Variants in ZNG1C observed in about 807,000 individuals in gnomAD.
ZNG1C encodes the protein zinc-regulated GTPase metalloprotein activator 1C.
the ZNG1C span, among the ~76,000 whole-genome samples, chr9:68,275,461 G>A: frequency 1.4e-5 from 2 of 145,950 alleles, no homozygotes; most frequent in South Asian, 2.3e-4. Flanking sequence ...ATCTCCCAAT[G>A]CTATCCCTCC....
chr9:68,276,158 T>C, the ZNG1C span, among the ~76,000 whole-genome samples: 1 of 133,722 alleles, frequency 7.5e-6, no homozygotes, highest in Non-Finnish European at 1.6e-5. Context: ...GTGGTTTGCT[T>C]TTTTCTTGTA....
chr9:68,280,827 A>T, the ZNG1C span, among the ~76,000 whole-genome samples: 1 of 59,880 alleles, frequency 1.7e-5, no homozygotes, highest in African/African-American at 6.8e-5. Context: ...GAGCCTACAG[A>T]GGCAGGCAGG....
At chr9:68,272,033 T>C in the ZNG1C span, among the ~76,000 whole-genome samples, 1 of 137,146 alleles carries the variant, frequency 7.3e-6, no homozygotes, top group Non-Finnish European at 1.6e-5. Flanking sequence ...GCTCAGCTAT[T>C]TACTGAGCTA....
the ZNG1C span, among the ~76,000 whole-genome samples, chr9:68,257,986 G>T: frequency 8.2e-6 from 1 of 121,752 alleles, no homozygotes. Context: ...TTCAGAGATT[G>T]CAAAATGAAT....
chr9:68,297,252 G>C, the ZNG1C span, among the ~76,000 whole-genome samples: 2 of 148,816 alleles, frequency 1.3e-5, no homozygotes, highest in Non-Finnish European at 3.0e-5. Flanking sequence ...TACATTGTAT[G>C]TGTTACATAT....
the ZNG1C span, among the ~76,000 whole-genome samples, chr9:68,291,209 C>CGT: frequency 1.2e-5 from 1 of 83,566 alleles, no homozygotes; most frequent in Non-Finnish European, 2.6e-5. Flanking sequence ...AAACACTTAA[C>CGT]GTGAGACCTA....
chr9:68,280,993 G>C, the ZNG1C span, among the ~76,000 whole-genome samples: 87 of 112,658 alleles, frequency 7.7e-4, no homozygotes, highest in African/African-American at 2.7e-3. Context: ...GCGAGACTCC[G>C]TGGGCGTGGG....
chr9:68,272,450 T>C, the ZNG1C span: 1 of 85,546 alleles, frequency 1.2e-5, no homozygotes, highest in Admixed American at 1.3e-4. Context: ...TTTTTTTTTT[T>C]CTTGGCGATT....
At chr9:68,287,256 T>G in the ZNG1C span, among the ~76,000 whole-genome samples, 2 of 152,160 alleles carry the variant, frequency 1.3e-5, no homozygotes, top group Non-Finnish European at 2.9e-5. Flanking sequence ...GTTAAAAGAA[T>G]GAAAAGCTGT....
the ZNG1C span, chr9:68,269,134 T>G: frequency 1.4e-5 from 15 of 1,084,372 alleles, no homozygotes; most frequent in African/African-American, 2.2e-4. Context: ...ATGCTCTTAA[T>G]AAGTTAGTTT....
chr9:68,269,552 T>TTTTTTTTTTTTG, the ZNG1C span: 1 of 807,182 alleles, frequency 1.2e-6, no homozygotes, highest in Non-Finnish European at 1.4e-6. Flanking sequence ...TAAGCTCATT[T>TTTTTTTTTTTTG]TTTTTTTTTT....
At chr9:68,276,067 T>C in the ZNG1C span, among the ~76,000 whole-genome samples, 3 of 152,070 alleles carry the variant, frequency 2.0e-5, no homozygotes. Flanking sequence ...ATGGTGAGCA[T>C]TTTTTCACGT....
At chr9:68,254,803 C>A in the ZNG1C span, 1 of 138,660 alleles carries the variant, frequency 7.2e-6, no homozygotes, top group African/African-American at 2.7e-5. Flanking sequence ...GGACATCATT[C>A]GACCTCAGAC....
At chr9:68,255,983 T>C in the ZNG1C span, among the ~76,000 whole-genome samples, 2 of 152,110 alleles carry the variant, frequency 1.3e-5, no homozygotes, top group African/African-American at 4.8e-5. Context: ...AAAAAATCAA[T>C]AGGTATCAGG....
the ZNG1C span, chr9:68,274,039 C>G: frequency 6.8e-6 from 1 of 147,416 alleles, no homozygotes; most frequent in Non-Finnish European, 1.5e-5. Flanking sequence ...AGGGTTTCAC[C>G]ACGTTGTCCA....
At chr9:68,260,050 A>G in the ZNG1C span, among the ~76,000 whole-genome samples, 3 of 150,294 alleles carry the variant, frequency 2.0e-5, no homozygotes, top group East Asian at 5.8e-4. Context: ...TCCCAAATAC[A>G]GTATTACAGT....
At chr9:68,287,526 C>T in the ZNG1C span, among the ~76,000 whole-genome samples, 1 of 152,294 alleles carries the variant, frequency 6.6e-6, no homozygotes, top group Non-Finnish European at 1.5e-5. Flanking sequence ...ATCCTCCCAA[C>T]ATTTCTTTTG....
the ZNG1C span, among the ~76,000 whole-genome samples, chr9:68,278,202 TC>T: frequency 7.2e-6 from 1 of 138,890 alleles, no homozygotes; most frequent in Non-Finnish European, 1.6e-5. Flanking sequence ...TCTCTTTTTT[TC>T]TTTATTAGTC....
the ZNG1C span, among the ~76,000 whole-genome samples, chr9:68,280,978 A>G: frequency 8.5e-6 from 1 of 117,982 alleles, no homozygotes; most frequent in African/African-American, 3.2e-5. Flanking sequence ...CTGTGCTAGC[A>G]ATCAGCGAGA....
Sources: allele counts gnomAD v4.1 joint callset (sites outside exome capture counted in the v4.1 genomes callset), GRCh38; gene constraint gnomAD v4.1.1; transcripts MANE v1.5; gene names NCBI Gene and HGNC (gene_info 2026-07-23, HGNC 2026-07-21).